LRRC7: variants seen among roughly 807,000 people sequenced by gnomAD.
LRRC7 encodes the protein leucine-rich repeat-containing protein 7.
In LRRC7, 23 loss-of-function variants were observed where a neutral mutation model predicts 175.7. The ratio of observed to expected loss-of-function variants is 0.13; its 90% CI spans 0.09 to 0.19. The LOEUF (loss-of-function observed/expected upper bound fraction) is 0.19. Ranked by LOEUF, LRRC7 falls within the 10% of genes least tolerant of loss-of-function variation. The probability of loss-of-function intolerance (pLI) is 1.00; values close to 1 mark genes in which losing one functional copy is unlikely to be tolerated. For missense variants in LRRC7, 1,354 were observed against 1,904.7 expected, an observed-to-expected ratio of 0.71 and a Z score of 5.38; for synonymous variants, 685 against 680.9, an observed-to-expected ratio of 1.01 and a Z score of -0.09.
At chr1:69,716,027 A>G (rs2100751088) in intron 2 of LRRC7, 1 of 383,432 alleles carries the variant, frequency 2.6e-6, no homozygotes, top group East Asian at 3.8e-5. Flanking sequence ...CAATTAGGGA[A>G]GCATCTGATT....
chr1:69,851,615 T>C (rs1040596036), intron 7 of LRRC7, among the ~76,000 whole-genome samples: 5 of 152,050 alleles, frequency 3.3e-5, no homozygotes, highest in African/African-American at 1.2e-4. Flanking sequence ...TCTTTGATGT[T>C]CTCTATAAAG....
chr1:69,919,586 C>A, intron 7 of LRRC7: 2 of 809,344 alleles, frequency 2.5e-6, no homozygotes, highest in Non-Finnish European at 2.1e-6. Context: ...GGAAATCACC[C>A]GGACCAAGGA....
chr1:69,763,726 A>G lies in LRRC7; in HGVS notation c.303+3333A>G, dbSNP rs1570670154. 2.0e-5 allele frequency among the ~76,000 whole-genome samples: 3 copies of G among 152,080 alleles called. No individual in the cohort carries two copies. The East Asian group carries it at 5.8e-4, about 29-fold the overall frequency. On this transcript the variant is annotated intron_variant, in intron 3 of 26. Transcript: ENST00000651989. ...CTATGTATAAAGTTTTTAATGGCCT[A>G]TAGGCAGAGCATTGAGCTCTTTAAG...
At chr1:69,819,416 T>G (rs2101193793) in intron 4 of LRRC7, among the ~76,000 whole-genome samples, 1 of 152,286 alleles carries the variant, frequency 6.6e-6, no homozygotes, top group Admixed American at 6.6e-5. Context: ...ATATCATTGC[T>G]GTTGAAAAGA....
chr1:69,621,153 T>G (rs1216951566), intron 1 of LRRC7, among the ~76,000 whole-genome samples: 1 of 152,070 alleles, frequency 6.6e-6, no homozygotes, highest in African/African-American at 2.4e-5. Flanking sequence ...CAAGCGATTC[T>G]CTGGTCTCAG....
intron 3 of LRRC7, among the ~76,000 whole-genome samples, chr1:69,784,601 C>T (rs1374329295): frequency 6.6e-6 from 1 of 152,144 alleles, no homozygotes; most frequent in Non-Finnish European, 1.5e-5. Flanking sequence ...CTCCCTTCTA[C>T]ATCCTTTGGG....
At chr1:69,781,587 C>T (rs1557718323) in intron 3 of LRRC7, among the ~76,000 whole-genome samples, 2 of 150,168 alleles carry the variant, frequency 1.3e-5, no homozygotes, top group East Asian at 2.0e-4. Flanking sequence ...CAGGCTGAGG[C>T]AGGAGAATCG....
chr1:70,087,015 G>A (rs1663665501), intron 24 of LRRC7, among the ~76,000 whole-genome samples: 1 of 152,120 alleles, frequency 6.6e-6, no homozygotes, highest in African/African-American at 2.4e-5. Flanking sequence ...CAACCTATTA[G>A]CCATACCTTG....
At chr1:69,945,200 T>C (rs1461138282) in intron 8 of LRRC7, among the ~76,000 whole-genome samples, 2 of 152,158 alleles carry the variant, frequency 1.3e-5, no homozygotes, top group Non-Finnish European at 2.9e-5. Flanking sequence ...GGTGGAATAA[T>C]GGTCCAATTT....
At chr1:69,865,726 C>T (rs886757461) in intron 7 of LRRC7, among the ~76,000 whole-genome samples, 19 of 151,876 alleles carry the variant, frequency 1.3e-4, no homozygotes, top group Non-Finnish European at 1.5e-5. Context: ...GTGATCTGCC[C>T]GCCTCAGCCT....
chr1:69,980,376 C>T lies in LRRC7; in HGVS notation c.712-3C>T. The T allele has an allele frequency of 1.9e-6, 3 of 1,610,266 alleles. No homozygotes were observed. Among genetic ancestry groups the T allele is most frequent in the Non-Finnish European group, 2.5e-6 (3 of 1,177,836 alleles). ...CTCTCCTTCCTCCCCACTTCTCTCC[C>T]AGCCTGAAGTTCTGGATCAAATACA... On this transcript the variant is annotated splice_polypyrimidine_tract_variant and splice_region_variant and intron_variant, in intron 8 of 26. Transcript: ENST00000651989.
intron 22 of LRRC7, among the ~76,000 whole-genome samples, chr1:70,050,314 C>A (rs1386145506): frequency 6.6e-6 from 1 of 152,034 alleles, no homozygotes; most frequent in Non-Finnish European, 1.5e-5. Context: ...CCACACTCAT[C>A]TTTGGGCATA....
chr1:69,584,581 A>T (rs1330381140), intron 1 of LRRC7, among the ~76,000 whole-genome samples: 3 of 152,144 alleles, frequency 2.0e-5, no homozygotes, highest in African/African-American at 7.2e-5. Flanking sequence ...GTGAAGATTT[A>T]AGTAATTTTA....
chr1:69,803,006 T>G (rs1676700429), intron 4 of LRRC7, among the ~76,000 whole-genome samples: 1 of 151,326 alleles, frequency 6.6e-6, no homozygotes, highest in African/African-American at 2.4e-5. Context: ...AGATGACTGA[T>G]TGTTTCAACA....
intron 2 of LRRC7, among the ~76,000 whole-genome samples, chr1:69,732,796 T>C (rs1557661230): frequency 1.3e-5 from 2 of 152,094 alleles, no homozygotes; most frequent in Admixed American, 1.3e-4. Flanking sequence ...AGGATGGGGC[T>C]GCAACTGACA....
chr1:69,911,157 G>A (rs1646515854), intron 7 of LRRC7, among the ~76,000 whole-genome samples: 2 of 152,164 alleles, frequency 1.3e-5, no homozygotes, highest in South Asian at 4.1e-4. Flanking sequence ...TCCCAAGTGA[G>A]GCAATGCCTT....
chr1:69,832,374 C>T (rs1455117186), intron 5 of LRRC7, among the ~76,000 whole-genome samples: 1 of 151,932 alleles, frequency 6.6e-6, no homozygotes, highest in Admixed American at 6.6e-5. Flanking sequence ...AACCTTCAGA[C>T]AGGAAGGAAA....
At chr1:70,080,955 T>C (rs1442179292) in intron 24 of LRRC7, among the ~76,000 whole-genome samples, 1 of 152,224 alleles carries the variant, frequency 6.6e-6, no homozygotes, top group African/African-American at 2.4e-5. Flanking sequence ...AGCTTAAAGA[T>C]CCCATCCACC....
intron 1 of LRRC7, among the ~76,000 whole-genome samples, chr1:69,632,112 C>T (rs1176666802): frequency 6.6e-6 from 1 of 152,068 alleles, no homozygotes; most frequent in African/African-American, 2.4e-5. Context: ...TCTCTATAAC[C>T]TTAGTGACTT....
Sources: gnomAD v4.1 joint callset for allele counts (sites outside exome capture counted in the v4.1 genomes callset) on GRCh38, gnomAD v4.1.1 for gene constraint, MANE v1.5 for transcripts, NCBI Gene and HGNC (gene_info 2026-07-23, HGNC 2026-07-21) for gene names.